SIPA1L1: variants seen among roughly 807,000 people sequenced by gnomAD.
The protein encoded by SIPA1L1 is signal-induced proliferation-associated 1-like protein 1.
Under a neutral mutation model 162.7 loss-of-function variants are expected in SIPA1L1, and 26 were observed. That is an observed-to-expected ratio of 0.16 (90% confidence interval 0.12 to 0.22). SIPA1L1 has a LOEUF of 0.22. Ranked by LOEUF, SIPA1L1 falls within the 10% of genes least tolerant of loss-of-function variation. The probability of loss-of-function intolerance (pLI) is 1.00; values close to 1 mark genes in which losing one functional copy is unlikely to be tolerated. For synonymous variants in SIPA1L1, 829 were observed against 837.4 expected, an observed-to-expected ratio of 0.99 and a Z score of 0.17; for missense variants, 1,874 against 2,241.0, an observed-to-expected ratio of 0.84 and a Z score of 3.31.
intron 4 of SIPA1L1, among the ~76,000 whole-genome samples, chr14:71,538,441 C>T (rs1040431636): frequency 6.6e-6 from 1 of 152,148 alleles, no homozygotes; most frequent in Non-Finnish European, 1.5e-5. Context: ...GGGACATCAT[C>T]CTTTGCAAGG....
intron 2 of SIPA1L1, among the ~76,000 whole-genome samples, chr14:71,466,737 G>T (rs1457198264): frequency 6.6e-6 from 1 of 152,148 alleles, no homozygotes. Context: ...TGTGTTTAGG[G>T]TTTGCCACTA....
At chr14:71,700,588 T>A (rs2082008556) in intron 14 of SIPA1L1, among the ~76,000 whole-genome samples, 1 of 152,212 alleles carries the variant, frequency 6.6e-6, no homozygotes, top group Non-Finnish European at 1.5e-5. Flanking sequence ...ATCAAGGTTT[T>A]TATTTTTGAT....
chr14:71,665,006 G>A (rs1596759886), intron 10 of SIPA1L1, among the ~76,000 whole-genome samples: 1 of 152,118 alleles, frequency 6.6e-6, no homozygotes, highest in African/African-American at 2.4e-5. Flanking sequence ...CAATAAAAAG[G>A]CCTACTAATG....
At chr14:71,365,598 A>C (rs2038210755) in intron 2 of SIPA1L1, among the ~76,000 whole-genome samples, 1 of 152,148 alleles carries the variant, frequency 6.6e-6, no homozygotes, top group Non-Finnish European at 1.5e-5. Flanking sequence ...TAAATTAATA[A>C]ATAATAATTC....
chr14:71,614,484 T>C (rs2038599452), intron 5 of SIPA1L1, among the ~76,000 whole-genome samples: 1 of 152,188 alleles, frequency 6.6e-6, no homozygotes, highest in African/African-American at 2.4e-5. Context: ...GTGATGATAG[T>C]GGTGAATTTA....
At chr14:71,360,021 G>A (rs2037650416) in intron 2 of SIPA1L1, among the ~76,000 whole-genome samples, 1 of 152,226 alleles carries the variant, frequency 6.6e-6, no homozygotes, top group Non-Finnish European at 1.5e-5. Context: ...GAGGATGGAT[G>A]AGGAAGGAAG....
chr14:71,671,216 T>C lies in SIPA1L1; in HGVS notation c.2353T>C (p.Leu785=). Residue 785 remains leucine (L), a synonymous_variant, in exon 11 of 24, where the codon TTG becomes CTG. Transcript: ENST00000381232. The part of the protein sequence containing the change: ...PKSNVFRDFL[L]AKVINAENAA... ...GTCAAATGTGTTCAGGGACTTCCTTTTGGCGAAAGTGATTAATGCAGAAAA... is the reference window on the plus strand; with the variant it reads ...GTCAAATGTGTTCAGGGACTTCCTTCTGGCGAAAGTGATTAATGCAGAAAA... 6.2e-7 allele frequency: 1 copy of C among 1,614,170 alleles called. No homozygotes were observed. The highest frequency in any genetic ancestry group is 8.5e-7 in the Non-Finnish European group (1 of 1,180,020).
chr14:71,632,722 G>A (rs2040707255), intron 7 of SIPA1L1, among the ~76,000 whole-genome samples: 1 of 152,150 alleles, frequency 6.6e-6, no homozygotes, highest in Non-Finnish European at 1.5e-5. Flanking sequence ...ATACCAACCA[G>A]GGCAGTATCA....
At chr14:71,557,211 T>C (rs1399894498) in intron 4 of SIPA1L1, among the ~76,000 whole-genome samples, 1 of 152,248 alleles carries the variant, frequency 6.6e-6, no homozygotes, top group Non-Finnish European at 1.5e-5. Context: ...GTTGTATTTA[T>C]GGTATTTTTT....
intron 2 of SIPA1L1, among the ~76,000 whole-genome samples, chr14:71,366,984 C>T (rs571098520): frequency 1.3e-5 from 2 of 152,242 alleles, no homozygotes; most frequent in East Asian, 1.9e-4. Context: ...TCAAATAACA[C>T]AAAATTATGC....
intron 4 of SIPA1L1, among the ~76,000 whole-genome samples, chr14:71,579,149 G>A (rs549488071): frequency 7.2e-5 from 11 of 152,122 alleles, no homozygotes; most frequent in Non-Finnish European, 1.3e-4. Context: ...AGACCGCACC[G>A]TTTATGATCT....
At chr14:71,571,400 A>G (rs1256637337) in intron 4 of SIPA1L1, among the ~76,000 whole-genome samples, 1 of 152,186 alleles carries the variant, frequency 6.6e-6, no homozygotes, top group Non-Finnish European at 1.5e-5. Context: ...GTGAAGGTCC[A>G]CTGAGTGTCC....
intron 5 of SIPA1L1, among the ~76,000 whole-genome samples, chr14:71,591,295 G>A (rs1230081628): frequency 8.4e-6 from 1 of 119,052 alleles, no homozygotes; most frequent in Non-Finnish European, 1.7e-5. Flanking sequence ...TTATTTTCCA[G>A]TTGAGAAAAC....
chr14:71,345,620 C>A (rs953817426), intron 2 of SIPA1L1, among the ~76,000 whole-genome samples: 9 of 148,774 alleles, frequency 6.0e-5, no homozygotes, highest in African/African-American at 9.9e-5. Context: ...GTCGCCCAGG[C>A]TGGAGTGCAG....
chr14:71,606,108 T>G (rs1044094481), intron 5 of SIPA1L1, among the ~76,000 whole-genome samples: 6 of 152,266 alleles, frequency 3.9e-5, no homozygotes, highest in Non-Finnish European at 7.4e-5. Flanking sequence ...CCTGGAAGAT[T>G]GCTCAGGTGG....
At chr14:71,437,377 T>C (rs1384155309) in intron 2 of SIPA1L1, among the ~76,000 whole-genome samples, 3 of 152,016 alleles carry the variant, frequency 2.0e-5, no homozygotes, top group Admixed American at 2.0e-4. Context: ...TACAAATTTA[T>C]TTTTCTTTGA....
intron 7 of SIPA1L1, among the ~76,000 whole-genome samples, chr14:71,627,133 T>C (rs1447364953): frequency 1.7e-4 from 2 of 11,858 alleles, no homozygotes; most frequent in Non-Finnish European, 1.4e-4. Flanking sequence ...TTTCACTACT[T>C]TTTTTTTTTT....
At chr14:71,564,645 G>A (rs1474230272) in intron 4 of SIPA1L1, among the ~76,000 whole-genome samples, 1 of 151,708 alleles carries the variant, frequency 6.6e-6, no homozygotes, top group Admixed American at 6.6e-5. Flanking sequence ...GTGCCACCAC[G>A]CCTGGCTAAT....
chr14:71,525,179 G>A (rs900593738), intron 3 of SIPA1L1, among the ~76,000 whole-genome samples: 2 of 150,224 alleles, frequency 1.3e-5, no homozygotes, highest in African/African-American at 4.9e-5. Context: ...TTGCTATGTA[G>A]CCCAACTGAC....
Sources: gnomAD v4.1 joint callset for allele counts (sites outside exome capture counted in the v4.1 genomes callset) on GRCh38, gnomAD v4.1.1 for gene constraint, MANE v1.5 for transcripts, NCBI Gene and HGNC (gene_info 2026-07-23, HGNC 2026-07-21) for gene names.